The following IL7 variants were observed in gnomAD, a reference collection of about 807,000 sequenced individuals.
IL7 encodes the protein interleukin 7.
IL7 carries 3 observed loss-of-function variants against 21.6 expected under a neutral mutation model. The ratio of observed to expected loss-of-function variants is 0.14; its 90% CI spans 0.06 to 0.36. The LOEUF is 0.36. Among genes scored for constraint, IL7 ranks in the 10% least tolerant of loss-of-function variants. IL7 has a pLI of 1.00. For synonymous variants in IL7, 62 were observed against 68.1 expected, an observed-to-expected ratio of 0.91 and a Z score of 0.44; for missense variants, 175 against 200.2, an observed-to-expected ratio of 0.87 and a Z score of 0.76.
intron 2 of IL7, among the ~76,000 whole-genome samples, chr8:78,742,232 G>A (rs1811810666): frequency 6.6e-6 from 1 of 152,080 alleles, no homozygotes; most frequent in African/African-American, 2.4e-5. Flanking sequence ...GCTGAGGCAG[G>A]AGAATCGCTT....
chr8:78,756,522 A>G (rs1734555168), intron 2 of IL7, among the ~76,000 whole-genome samples: 2 of 151,478 alleles, frequency 1.3e-5, no homozygotes, highest in African/African-American at 4.8e-5. Flanking sequence ...CATGTTTCCT[A>G]TTTATTTCTG....
At chr8:78,690,282 G>A (rs1158014552) in intron 3 of IL7, among the ~76,000 whole-genome samples, 2 of 152,228 alleles carry the variant, frequency 1.3e-5, no homozygotes, top group South Asian at 2.1e-4. Context: ...TTTGGCAGCC[G>A]GGTGCAGTGG....
chr8:78,749,283 A>G (rs1306772028), intron 2 of IL7, among the ~76,000 whole-genome samples: 1 of 152,092 alleles, frequency 6.6e-6, no homozygotes, highest in Non-Finnish European at 1.5e-5. Flanking sequence ...TTAATACTAT[A>G]TAAATCAATA....
chr8:78,765,635 C>G (rs1430885941), intron 2 of IL7, among the ~76,000 whole-genome samples: 1 of 151,946 alleles, frequency 6.6e-6, no homozygotes, highest in East Asian at 1.9e-4. Flanking sequence ...AATGAGATAC[C>G]ATGACACCCT....
downstream of IL7, chr8:78,717,512 A>AT (rs752591216): frequency 1.4e-5 from 22 of 1,557,462 alleles, no homozygotes; most frequent in Admixed American, 2.1e-5. Flanking sequence ...TCAAAAAAAA[A>AT]AAAAAGCCAA....
chr8:78,711,898 T>C (rs1810960747), intron 3 of IL7: 1 of 692,126 alleles, frequency 1.4e-6, no homozygotes, highest in Admixed American at 2.7e-5. Context: ...GGAGTAGATA[T>C]CTGATGAACC....
intron 3 of IL7, among the ~76,000 whole-genome samples, chr8:78,703,806 G>C (rs1470494866): frequency 6.6e-6 from 1 of 152,042 alleles, no homozygotes; most frequent in Non-Finnish European, 1.5e-5. Context: ...GATGTGTGTG[G>C]ATTTGATTGT....
At chr8:78,714,051 G>A (rs548777442), downstream of IL7, among the ~76,000 whole-genome samples, 1 of 152,216 alleles carries the variant, frequency 6.6e-6, no homozygotes, top group South Asian at 2.1e-4. Context: ...TTCAACTAAA[G>A]TTTAAGAACC....
chr8:78,766,432 G>C (rs1038987635), intron 2 of IL7, among the ~76,000 whole-genome samples: 1 of 152,096 alleles, frequency 6.6e-6, no homozygotes, highest in Admixed American at 6.5e-5. Flanking sequence ...GAGTATATGA[G>C]ACCTCTATAC....
rs192546495 is a variant in IL7 at position 78,675,866 on chromosome 8, G to A, written n.512C>T. The A allele has an allele frequency of 4.4e-5, 70 of 1,607,992 alleles. No homozygotes were observed. In the African/African-American group the frequency reaches 6.8e-4, roughly 16 times the overall value. ...GAACATTCTTTCCAGTAGCATTAGT[G>A]AGTAGACTGATTTTGTACCTTTATG... On this transcript the variant is annotated non_coding_transcript_exon_variant, in exon 5 of 5. Transcript: ENST00000523959.
downstream of IL7, among the ~76,000 whole-genome samples, chr8:78,730,417 T>G (rs913958572): frequency 3.3e-5 from 5 of 151,950 alleles, no homozygotes; most frequent in Admixed American, 2.0e-4. Context: ...TTTCCATAGA[T>G]TCTATTATTT....
chr8:78,772,468 A>G (rs890236133), intron 2 of IL7, among the ~76,000 whole-genome samples: 1 of 152,178 alleles, frequency 6.6e-6, no homozygotes, highest in African/African-American at 2.4e-5. Flanking sequence ...ATAGTGTTCA[A>G]GATAAAGTGC....
intron 2 of IL7, among the ~76,000 whole-genome samples, chr8:78,781,069 C>T (rs1251377827): frequency 2.6e-5 from 4 of 151,926 alleles, no homozygotes; most frequent in African/African-American, 9.7e-5. Flanking sequence ...TTCTGTTTTC[C>T]ATTTGCTCGG....
intron 3 of IL7, among the ~76,000 whole-genome samples, chr8:78,711,709 C>T (rs899861959): frequency 6.6e-6 from 1 of 151,816 alleles, no homozygotes; most frequent in Non-Finnish European, 1.5e-5. Context: ...GTTGTTCTTC[C>T]TAAGTTTCTT....
chr8:78,733,906 T>C (rs1030531195), intron 5 of IL7, 74 bp from the exon 6 acceptor site: 38 of 1,030,872 alleles, frequency 3.7e-5, no homozygotes, highest in Non-Finnish European at 4.9e-5. Flanking sequence ...CTATTTTTCA[T>C]CATATTACTT....
chr8:78,676,138 A>C lies in IL7; in HGVS notation n.274-34T>G, dbSNP rs78656367. On this transcript the variant is annotated intron_variant and non_coding_transcript_variant, in intron 4 of 4. Coordinates refer to the IL7 transcript ENST00000523959. ...AAACAAACAAAATAAAAAAAAAAAA[A>C]CAAAATCAGATACCTTAGAAATAAG... The C allele has an allele frequency of 2.3e-4, 57 of 249,808 alleles. 1 individual carries two copies. In the East Asian group the frequency reaches 3.9e-3, roughly 17 times the overall value. The allele number at this position is 249,808 out of a possible 1,614,324, so 15.5% of individuals were successfully genotyped here.
At chr8:78,785,664 G>T (rs1586104486) in intron 2 of IL7, among the ~76,000 whole-genome samples, 1 of 152,112 alleles carries the variant, frequency 6.6e-6, no homozygotes, top group African/African-American at 2.4e-5. Flanking sequence ...TTCCAGAATG[G>T]ATGCTTATAT....
chr8:78,780,638 G>A (rs1251693050), intron 2 of IL7, among the ~76,000 whole-genome samples: 2 of 152,146 alleles, frequency 1.3e-5, no homozygotes, highest in South Asian at 2.1e-4. Flanking sequence ...GCTGAGGAGT[G>A]TTTTACATCC....
chr8:78,704,876 G>T (rs561364205), intron 3 of IL7, among the ~76,000 whole-genome samples: 105 of 151,864 alleles, frequency 6.9e-4, no homozygotes, highest in Non-Finnish European at 1.3e-3. Flanking sequence ...TTTGTTCTTC[G>T]CTTGGTCTCT....
Sources: allele counts gnomAD v4.1 joint callset (sites outside exome capture counted in the v4.1 genomes callset), GRCh38; gene constraint gnomAD v4.1.1; transcripts MANE v1.5; gene names NCBI Gene and HGNC (gene_info 2026-07-23, HGNC 2026-07-21).